Variants in CLHC1 observed in about 807,000 individuals in gnomAD.
CLHC1 encodes the protein clathrin heavy chain linker domain-containing protein 1.
Under a neutral mutation model 69.5 loss-of-function variants are expected in CLHC1, and 72 were observed. The ratio of observed to expected loss-of-function variants is 1.04; its 90% CI spans 0.86 to 1.26. CLHC1 has a LOEUF of 1.26. CLHC1 is among the 50% of genes most tolerant of loss of function. The pLI, the probability that CLHC1 is intolerant of heterozygous loss-of-function variation, is 0.00. For synonymous variants in CLHC1, 223 were observed against 224.3 expected (o/e 0.99, Z 0.05); for missense variants, 790 against 679.3 (o/e 1.16, Z -1.81).
In CLHC1 at chr2:55,173,777, T is replaced by A. The variant is rs1669151231; in HGVS notation, c.*2013A>T. ...ACCAGGCATTTTAATTTATATTCAC[T>A]TGACAACTTTTACTTTCCTTGGGAA... is the stretch of plus-strand genomic sequence containing the variant. On this transcript the variant is annotated 3_prime_UTR_variant, in exon 13 of 13. Transcript: ENST00000401408. 6.6e-6 allele frequency among the ~76,000 whole-genome samples: 1 copy of A among 152,204 alleles called. No individual in the cohort carries two copies. The highest frequency in any genetic ancestry group is 2.1e-4 in the South Asian group (1 of 4,832).
At chr2:55,198,405 G>A (rs1247683539) in intron 9 of CLHC1, among the ~76,000 whole-genome samples, 1 of 152,060 alleles carries the variant, frequency 6.6e-6, no homozygotes, top group Non-Finnish European at 1.5e-5. Flanking sequence ...GACCAACATG[G>A]CAAAACCATG....
intron 1 of CLHC1, among the ~76,000 whole-genome samples, chr2:55,230,098 C>T (rs1675130610): frequency 1.3e-5 from 2 of 152,110 alleles, no homozygotes; most frequent in Admixed American, 1.3e-4. Context: ...AAGAATTGTT[C>T]TTGTTGCTCT....
chr2:55,195,376 C>T (rs1208489325), intron 9 of CLHC1, among the ~76,000 whole-genome samples: 4 of 152,048 alleles, frequency 2.6e-5, no homozygotes, highest in Non-Finnish European at 5.9e-5. Context: ...TTAAAGAAGA[C>T]ACAAATAAAT....
intron 12 of CLHC1, among the ~76,000 whole-genome samples, chr2:55,176,879 TTCTC>T (rs1180993900): frequency 6.6e-6 from 1 of 152,150 alleles, no homozygotes; most frequent in Non-Finnish European, 1.5e-5. Flanking sequence ...GTTTTAATTA[TTCTC>T]TCTCTCATTT....
intron 9 of CLHC1, among the ~76,000 whole-genome samples, chr2:55,194,034 G>T (rs567766297): frequency 3.3e-5 from 5 of 152,262 alleles, no homozygotes; most frequent in African/African-American, 7.2e-5. Flanking sequence ...CATAGTGTAT[G>T]ATCCCATTCA....
At chr2:55,228,262 T>C (rs1475128429) in intron 1 of CLHC1, 58 bp from the exon 2 acceptor site, 3 of 152,236 alleles carry the variant, frequency 2.0e-5, no homozygotes, top group Non-Finnish European at 4.4e-5. Flanking sequence ...ATCCCTCCTC[T>C]ACCATATGCA....
At chr2:55,209,383 T>G in intron 7 of CLHC1, 21 bp downstream of exon 7, 1 of 1,466,178 alleles carries the variant, frequency 6.8e-7, no homozygotes, top group Non-Finnish European at 9.4e-7. Flanking sequence ...TGGTACTAAT[T>G]TAAAAATATA....
intron 2 of CLHC1, among the ~76,000 whole-genome samples, chr2:55,226,223 A>G (rs79319867): frequency 6.8e-6 from 1 of 146,438 alleles, no homozygotes; most frequent in Non-Finnish European, 1.5e-5. Context: ...GTTTTTACTG[A>G]AAAAAAAAAA....
chr2:55,178,468 C>A (rs1001221493), intron 11 of CLHC1, among the ~76,000 whole-genome samples: 2 of 152,166 alleles, frequency 1.3e-5, no homozygotes, highest in African/African-American at 2.4e-5. Flanking sequence ...TCTAAAGCTA[C>A]AATTATGATT....
intron 4 of CLHC1, chr2:55,214,468 A>T (rs1258642876): frequency 6.6e-6 from 1 of 152,246 alleles, no homozygotes; most frequent in Non-Finnish European, 1.5e-5. Context: ...AGATCATGCC[A>T]TTGCACTCCA....
Position 55,175,926 on chromosome 2 carries a change from A to T in CLHC1, c.1625T>A (p.Val542Glu), listed in dbSNP as rs947891472. The change falls in exon 13 of 13, where the codon GTG becomes GAG. Residue 542 changes from valine to glutamate, a missense_variant. Transcript: ENST00000401408. ...GCCATTCTGTGAACATATATTTGCC[A>T]CTTCTTGCCACTTTTCTATGGAGCA... ...SFCSIEKWQE[V>E]ANICSQNGFD... 6.2e-7 allele frequency: 1 copy of T among 1,613,884 alleles called. No homozygotes were observed. The highest frequency in any genetic ancestry group is 8.5e-7 in the Non-Finnish European group (1 of 1,179,792).
At position 55,180,509 on chromosome 2, in the gene CLHC1, C is replaced by G; in HGVS notation, c.1384+1G>C. 6.2e-7 allele frequency: 1 copy of G among 1,609,054 alleles called. No homozygotes were observed. The highest frequency in any genetic ancestry group is 8.5e-7 in the Non-Finnish European group (1 of 1,175,808). ...TACAAATGGCAGACTTTTTAACTTA[C>G]CGGTAGTAAAGTCCTTCAACTGCTG... is the stretch of plus-strand genomic sequence containing the variant. On this transcript the variant is annotated splice_donor_variant, in intron 11 of 12. Coordinates refer to ENST00000401408, the MANE Select transcript of CLHC1 (RefSeq NM_152385.4). LOFTEE classifies it high-confidence loss of function.
chr2:55,212,769 A>G lies in CLHC1; in HGVS notation c.403T>C (p.Ser135Pro). 6.2e-7 allele frequency: 1 copy of G among 1,603,090 alleles called. No individual in the cohort carries two copies. The highest frequency in any genetic ancestry group is 8.5e-7 in the Non-Finnish European group (1 of 1,170,086). ...IIESNSSKIQ[S>P]QIDHIKQCRA... is the part of the protein sequence containing the mutation. ...CACTGCTTGATGTGATCTATTTGAG[A>G]TTGAATCTTCGAGGAATTACTTTCG... The change falls in exon 5 of 13, where the codon TCT becomes CCT. Residue 135 changes from serine (S) to proline (P), a missense_variant. Coordinates refer to ENST00000401408, the MANE Select transcript of CLHC1 (RefSeq NM_152385.4).
intron 3 of CLHC1, among the ~76,000 whole-genome samples, chr2:55,219,449 A>G (rs1386920709): frequency 6.6e-6 from 1 of 152,200 alleles, no homozygotes; most frequent in Non-Finnish European, 1.5e-5. Flanking sequence ...ACCCAAAATC[A>G]CATTTTCAGC....
At chr2:55,209,344 T>C in intron 7 of CLHC1, 60 bp downstream of exon 7, 3 of 1,004,326 alleles carry the variant, frequency 3.0e-6, no homozygotes, top group Non-Finnish European at 4.5e-6. Context: ...CCATTCTAAC[T>C]AGCTAGCGAA....
chr2:55,193,169 G>A (rs1392908916), intron 9 of CLHC1, among the ~76,000 whole-genome samples: 5 of 152,040 alleles, frequency 3.3e-5, no homozygotes. Context: ...TGGGATTATA[G>A]GCGTGAACCA....
At chr2:55,221,360 G>A (rs953549077) in intron 3 of CLHC1, among the ~76,000 whole-genome samples, 3 of 152,108 alleles carry the variant, frequency 2.0e-5, no homozygotes, top group Non-Finnish European at 4.4e-5. Context: ...TTCTAAAACC[G>A]TAAAAAGCAA....
At chr2:55,232,413 C>G, upstream of CLHC1, 1 of 289,734 alleles carries the variant, frequency 3.5e-6, no homozygotes, top group South Asian at 3.4e-5. Context: ...CCCTCGACCT[C>G]CTTTTAAAAA....
chr2:55,217,552 A>AATATATATATATATAT (rs781577612), intron 4 of CLHC1, among the ~76,000 whole-genome samples: 17 of 43,156 alleles, frequency 3.9e-4, no homozygotes, highest in East Asian at 7.4e-4. Flanking sequence ...AAAAAAAAAA[A>AATATATATATATATAT]ATATATATAT....
Sources: gnomAD v4.1 joint callset for allele counts (sites outside exome capture counted in the v4.1 genomes callset) on GRCh38, gnomAD v4.1.1 for gene constraint, MANE v1.5 for transcripts, NCBI Gene and HGNC (gene_info 2026-07-23, HGNC 2026-07-21) for gene names.